CTNNA3: variants seen among roughly 807,000 people sequenced by gnomAD.
CTNNA3 encodes the protein catenin alpha-3.
In CTNNA3, 76 loss-of-function variants were observed where a neutral mutation model predicts 95.7. The observed-to-expected ratio is 0.79, with a 90% CI of 0.66 to 0.96. CTNNA3 has a LOEUF of 0.96. CTNNA3 is among the 40% of genes least tolerant of loss of function. The pLI is 0.00. For missense variants in CTNNA3, 1,191 were observed against 1,089.8 expected (o/e 1.09, Z -1.31); for synonymous variants, 431 against 374.4 (o/e 1.15, Z -1.74).
At chr10:66,479,263 T>A (rs1839430681) in intron 11 of CTNNA3, among the ~76,000 whole-genome samples, 1 of 151,328 alleles carries the variant, frequency 6.6e-6, no homozygotes, top group Non-Finnish European at 1.5e-5. Context: ...GAAGTCTATA[T>A]CCTCAATTTG....
intron 12 of CTNNA3, among the ~76,000 whole-genome samples, chr10:66,324,730 G>C (rs143597757): frequency 4.1e-4 from 62 of 152,140 alleles, no homozygotes; most frequent in African/African-American, 1.4e-3. Context: ...ATGACAAGAT[G>C]CTCTGAGAAG....
chr10:66,299,040 C>T (rs2091823787), intron 12 of CTNNA3, among the ~76,000 whole-genome samples: 1 of 152,152 alleles, frequency 6.6e-6, no homozygotes, highest in East Asian at 1.9e-4. Context: ...CAAAAGAATG[C>T]AACCATCTGT....
At chr10:66,273,271 G>A (rs2091321616) in intron 13 of CTNNA3, among the ~76,000 whole-genome samples, 1 of 152,124 alleles carries the variant, frequency 6.6e-6, no homozygotes. Flanking sequence ...ATGACTAATG[G>A]GAGGGGAGCA....
intron 5 of CTNNA3, among the ~76,000 whole-genome samples, chr10:67,479,219 C>A: frequency 6.6e-6 from 1 of 152,226 alleles, no homozygotes; most frequent in South Asian, 2.1e-4. Context: ...AAATTCTGGA[C>A]TTGAGATTGA....
At chr10:66,921,479 A>C (rs977195190) in intron 7 of CTNNA3, among the ~76,000 whole-genome samples, 3 of 152,120 alleles carry the variant, frequency 2.0e-5, no homozygotes, top group African/African-American at 7.2e-5. Flanking sequence ...ATGTCATCCA[A>C]AGCCCTCCAT....
intron 7 of CTNNA3, among the ~76,000 whole-genome samples, chr10:67,079,783 T>C (rs796362028): frequency 1.3e-5 from 2 of 151,686 alleles, no homozygotes; most frequent in African/African-American, 4.8e-5. Context: ...GGGAGGCGGA[T>C]GTTGCAGTGA....
chr10:66,444,194 C>A (rs1489694600), intron 11 of CTNNA3, among the ~76,000 whole-genome samples: 3 of 152,120 alleles, frequency 2.0e-5, no homozygotes, highest in African/African-American at 4.8e-5. Context: ...AAATCTATAT[C>A]TGATTGGTGT....
intron 12 of CTNNA3, among the ~76,000 whole-genome samples, chr10:66,332,760 T>G (rs2092346603): frequency 6.6e-6 from 1 of 152,072 alleles, no homozygotes; most frequent in Non-Finnish European, 1.5e-5. Context: ...TTAGGGAGGA[T>G]TCCCTCTTTT....
At chr10:67,615,413 G>A (rs1843618539) in intron 2 of CTNNA3, among the ~76,000 whole-genome samples, 1 of 152,128 alleles carries the variant, frequency 6.6e-6, no homozygotes, top group African/African-American at 2.4e-5. Flanking sequence ...TAAATATAAA[G>A]CTAAACACAA....
chr10:66,457,211 T>C (rs1481736787), intron 11 of CTNNA3, among the ~76,000 whole-genome samples: 1 of 152,118 alleles, frequency 6.6e-6, no homozygotes, highest in Admixed American at 6.6e-5. Context: ...TCAGTTAGAT[T>C]TTGTCAAAAT....
chr10:67,479,390 A>G (rs1245776786), intron 5 of CTNNA3, among the ~76,000 whole-genome samples: 1 of 152,318 alleles, frequency 6.6e-6, no homozygotes, highest in South Asian at 2.1e-4. Flanking sequence ...AATGAAAATC[A>G]TACCAACCAT....
chr10:67,740,501 C>T lies in CTNNA3; in HGVS notation c.-2+22933G>A, dbSNP rs1841329839. On this transcript the variant is annotated intron_variant, in intron 1 of 17. Transcript: ENST00000684154. ...ACCCCATCAAAAGGTGGGCAAAGGA[C>T]ATGAACAGACACTTGTCAACAGAAG... is the stretch of plus-strand genomic sequence containing the variant. Among the ~76,000 whole-genome samples, 4 of 151,416 alleles carry T rather than the reference C, an allele frequency of 2.6e-5. 1 individual carries two copies. The highest frequency in any genetic ancestry group is 2.1e-4 in the South Asian group (1 of 4,706).
chr10:65,984,752 G>GA lies in CTNNA3; in HGVS notation c.2265+3939dup, dbSNP rs200685173. On this transcript the variant is annotated intron_variant, in intron 16 of 17. Transcript: ENST00000433211. ...AAAACTGGGTGTTTCAAAATAAACA[G>GA]AAAAAAATGGGAGGAAGCATTCAGT... Among the ~76,000 whole-genome samples, 801 of 151,166 alleles carry GA rather than the reference G, an allele frequency of 5.3e-3. 8 individuals are homozygous for GA. Among genetic ancestry groups the GA allele is most frequent in the East Asian group, 0.025 (127 of 5,172 alleles).
chr10:66,692,524 T>C (rs1490629352), intron 9 of CTNNA3, among the ~76,000 whole-genome samples: 2 of 152,110 alleles, frequency 1.3e-5, no homozygotes, highest in Non-Finnish European at 2.9e-5. Context: ...TGGAACCAAG[T>C]TGGAAAACAC....
At chr10:67,593,332 T>A (rs1331233463) in intron 3 of CTNNA3, among the ~76,000 whole-genome samples, 1 of 152,160 alleles carries the variant, frequency 6.6e-6, no homozygotes, top group Non-Finnish European at 1.5e-5. Flanking sequence ...TGGATATATA[T>A]GTAAATTGCT....
chr10:66,950,407 C>T (rs912950925), intron 7 of CTNNA3, among the ~76,000 whole-genome samples: 1 of 151,868 alleles, frequency 6.6e-6, no homozygotes, highest in African/African-American at 2.4e-5. Flanking sequence ...TTGAGATATA[C>T]TATATGTTTA....
intron 5 of CTNNA3, among the ~76,000 whole-genome samples, chr10:67,374,234 G>A (rs1356905861): frequency 6.6e-6 from 1 of 152,040 alleles, no homozygotes; most frequent in Non-Finnish European, 1.5e-5. Flanking sequence ...AGCAGCCACA[G>A]ACAATAAGTA....
At chr10:66,817,267 C>T (rs2132280403) in intron 7 of CTNNA3, among the ~76,000 whole-genome samples, 1 of 151,212 alleles carries the variant, frequency 6.6e-6, no homozygotes, top group East Asian at 1.9e-4. Flanking sequence ...AACAAGTTAG[C>T]AAAAGAAGAG....
In CTNNA3 at chr10:65,927,683, T is replaced by G. The variant is rs116286162; in HGVS notation, c.2401-7066A>C. 5.9e-3 allele frequency among the ~76,000 whole-genome samples: 900 copies of G among 152,302 alleles called. 15 individuals carry two copies. Among genetic ancestry groups the G allele is most frequent in the African/African-American group, 0.021 (866 of 41,556 alleles). Reference sequence around the variant, plus strand: ...TTACATTTTATACATATACTGCAATTTGTTAATTCATTATCTTTGTGACTG... The same window carrying G: ...TTACATTTTATACATATACTGCAATGTGTTAATTCATTATCTTTGTGACTG... On this transcript the variant is annotated intron_variant, in intron 17 of 17. Transcript: ENST00000433211.
Sources: gnomAD v4.1 joint callset for allele counts (sites outside exome capture counted in the v4.1 genomes callset) on GRCh38, gnomAD v4.1.1 for gene constraint, MANE v1.5 for transcripts, NCBI Gene and HGNC (gene_info 2026-07-23, HGNC 2026-07-21) for gene names.